Variants in GRID2 observed in about 807,000 individuals in gnomAD.
The protein encoded by GRID2 is glutamate receptor ionotropic, delta-2.
Under a neutral mutation model 114.8 loss-of-function variants are expected in GRID2, and 33 were observed. That is an observed-to-expected ratio of 0.29 (90% CI 0.22 to 0.38). GRID2 has a LOEUF of 0.38. Among genes scored for constraint, GRID2 ranks in the 10% least tolerant of loss-of-function variants. The pLI is 1.00. For missense variants in GRID2, 1,184 were observed against 1,257.7 expected, an observed-to-expected ratio of 0.94 and a Z score of 0.89; for synonymous variants, 505 against 449.9, an observed-to-expected ratio of 1.12 and a Z score of -1.55.
At chr4:92,719,437 G>T (rs1735707351) in intron 2 of GRID2, among the ~76,000 whole-genome samples, 2 of 152,182 alleles carry the variant, frequency 1.3e-5, no homozygotes, top group Admixed American at 6.5e-5. Context: ...ATGCTACAAT[G>T]GTTTAATTAA....
chr4:93,163,203 A>G (rs1045426306), intron 4 of GRID2, among the ~76,000 whole-genome samples: 3 of 151,422 alleles, frequency 2.0e-5, no homozygotes, highest in African/African-American at 7.3e-5. Context: ...TACAAATTAT[A>G]TGTGTATTTA....
intron 1 of GRID2, among the ~76,000 whole-genome samples, chr4:92,420,565 C>G (rs986611767): frequency 1.3e-5 from 2 of 152,156 alleles, no homozygotes; most frequent in African/African-American, 4.8e-5. Context: ...CTCCTAATTT[C>G]AATCCCTAGT....
intron 1 of GRID2, among the ~76,000 whole-genome samples, chr4:92,588,999 G>C (rs954415963): frequency 6.6e-6 from 1 of 151,912 alleles, no homozygotes; most frequent in Admixed American, 6.6e-5. Flanking sequence ...CCAGCTACTC[G>C]GGAGGCTGAG....
intron 8 of GRID2, among the ~76,000 whole-genome samples, chr4:93,356,755 A>G (rs1401293314): frequency 3.3e-5 from 5 of 151,848 alleles, no homozygotes; most frequent in Non-Finnish European, 7.4e-5. Context: ...CCATTTCTAT[A>G]ACTTTGATAC....
At chr4:93,284,679 T>G (rs1042541824) in intron 8 of GRID2, among the ~76,000 whole-genome samples, 2 of 151,878 alleles carry the variant, frequency 1.3e-5, no homozygotes, top group Non-Finnish European at 2.9e-5. Context: ...TTTGCAGAAT[T>G]ATACCAAATT....
At chr4:93,168,226 GAAAGGAAAGGAAAGA>G (rs1291108397) in intron 4 of GRID2, among the ~76,000 whole-genome samples, 1 of 150,260 alleles carries the variant, frequency 6.7e-6, no homozygotes, top group African/African-American at 2.5e-5. Context: ...GGAAGGAAAG[GAAAGGAAAGGAAAGA>G]AAAGGAAAGG....
At chr4:92,713,476 C>CATATACATAT (rs1553919724) in intron 2 of GRID2, among the ~76,000 whole-genome samples, 1 of 54,036 alleles carries the variant, frequency 1.9e-5, no homozygotes, top group Non-Finnish European at 3.4e-5. Context: ...TATACATATA[C>CATATACATAT]ATATATATAT....
intron 8 of GRID2, among the ~76,000 whole-genome samples, chr4:93,388,643 C>T (rs1764559546): frequency 6.6e-6 from 1 of 152,086 alleles, no homozygotes; most frequent in African/African-American, 2.4e-5. Flanking sequence ...TGGCCTTTAT[C>T]TTGAGAATAC....
intron 1 of GRID2, among the ~76,000 whole-genome samples, chr4:92,547,767 G>A (rs1726339623): frequency 6.6e-6 from 1 of 151,836 alleles, no homozygotes. Context: ...GATATTATAA[G>A]TAGGGAGGAT....
chr4:93,444,349 G>C (rs926812910), intron 10 of GRID2, among the ~76,000 whole-genome samples: 1 of 151,972 alleles, frequency 6.6e-6, no homozygotes, highest in Non-Finnish European at 1.5e-5. Flanking sequence ...TAAAGAGGGA[G>C]CTAGGAGAAG....
At position 93,455,700 on chromosome 4, in the gene GRID2, AGAT is replaced by A; in HGVS notation, c.1585_1587del (p.Asp529del). ...GGATTTCTGCTTTAACCATCACTCC[AGAT>A]CGTGAAAATGTGGTGGACTTTACGA... On this transcript the variant is annotated inframe_deletion, in exon 11 of 16. Transcript: ENST00000282020. 1 of 1,613,134 alleles carries A rather than the reference AGAT, an allele frequency of 6.2e-7. No homozygotes were observed. The highest frequency in any genetic ancestry group is 8.5e-7 in the Non-Finnish European group (1 of 1,179,180).
At chr4:93,635,999 G>C (rs181293205) in intron 14 of GRID2, among the ~76,000 whole-genome samples, 1 of 152,072 alleles carries the variant, frequency 6.6e-6, no homozygotes, top group Non-Finnish European at 1.5e-5. Context: ...AACCCCATGG[G>C]GTAGATTTTT....
intron 2 of GRID2, among the ~76,000 whole-genome samples, chr4:93,076,683 T>C (rs1003026089): frequency 1.1e-4 from 16 of 145,266 alleles, no homozygotes; most frequent in Non-Finnish European, 1.8e-4. Flanking sequence ...AATGGCGCAA[T>C]CTCGGTTCAC....
Sources: allele counts gnomAD v4.1 joint callset (sites outside exome capture counted in the v4.1 genomes callset), GRCh38; gene constraint gnomAD v4.1.1; transcripts MANE v1.5; gene names NCBI Gene and HGNC (gene_info 2026-07-23, HGNC 2026-07-21).